Variants in TEK observed in about 807,000 individuals in gnomAD.
The protein encoded by TEK is TEK receptor tyrosine kinase, also known as angiopoietin-1 receptor.
A neutral mutation model predicts 131.8 loss-of-function variants in TEK; 43 were observed. The ratio of observed to expected loss-of-function variants is 0.33; its 90% CI spans 0.26 to 0.42. The LOEUF (loss-of-function observed/expected upper bound fraction) is 0.42, where lower values mean the gene tolerates loss of function less well. Ranked by LOEUF, TEK falls within the 10% of genes least tolerant of loss-of-function variation. The pLI, the probability that TEK is intolerant of heterozygous loss-of-function variation, is 1.00. For missense variants in TEK, 1,162 were observed against 1,384.4 expected, an observed-to-expected ratio of 0.84 and a Z score of 2.55; for synonymous variants, 580 against 491.6, an observed-to-expected ratio of 1.18 and a Z score of -2.38.
At chr9:27,160,143 C>T (rs531320984) in intron 2 of TEK, among the ~76,000 whole-genome samples, 1 of 151,614 alleles carries the variant, frequency 6.6e-6, no homozygotes, top group Admixed American at 6.6e-5. Flanking sequence ...CCACCTCAGC[C>T]TCCCAAGTAG....
At position 27,229,917 on chromosome 9, in the gene TEK, A is replaced by G. The variant is rs1028217767; in HGVS notation, c.*685A>G. 3 of 152,454 alleles carry G rather than the reference A, an allele frequency of 2.0e-5. No homozygotes were observed. Among genetic ancestry groups the G allele is most frequent in the Non-Finnish European group, 4.4e-5 (3 of 68,198 alleles). 9.4% of individuals were successfully genotyped at this position (152,454 alleles called of 1,614,324 possible). On this transcript the variant is annotated 3_prime_UTR_variant, in exon 23 of 23. Transcript: ENST00000380036. ...CCTAAGAATCTTTAGAGAAGTATAC[A>G]TAAGTTTAGGATAAAATAATGGGAT...
At chr9:27,227,290 C>A (rs925964150) in intron 21 of TEK, among the ~76,000 whole-genome samples, 4 of 152,188 alleles carry the variant, frequency 2.6e-5, no homozygotes, top group African/African-American at 9.7e-5. Flanking sequence ...CTGAGCACAA[C>A]TGAGTAAGCA....
At chr9:27,214,559 CTTATT>C (rs745361115) in intron 18 of TEK, among the ~76,000 whole-genome samples, 23 of 152,302 alleles carry the variant, frequency 1.5e-4, no homozygotes, top group African/African-American at 4.8e-4. Context: ...TCCCATCATA[CTTATT>C]TTAGTTACTG....
intron 1 of TEK, among the ~76,000 whole-genome samples, chr9:27,127,905 T>C (rs1282777254): frequency 6.6e-6 from 1 of 152,194 alleles, no homozygotes; most frequent in Non-Finnish European, 1.5e-5. Flanking sequence ...GATTGCAAAA[T>C]TTTACTCCCA....
intron 6 of TEK, among the ~76,000 whole-genome samples, chr9:27,176,703 G>A (rs1824184713): frequency 6.6e-6 from 1 of 152,172 alleles, no homozygotes; most frequent in Non-Finnish European, 1.5e-5. Flanking sequence ...TGTGGTGAGA[G>A]CATTTAAAAT....
chr9:27,212,889 CA>C lies in TEK; in HGVS notation c.2874del (p.Lys958AsnfsTer14). 1.2e-6 allele frequency: 2 copies of C among 1,613,892 alleles called. No homozygotes were observed. ...DVARGMDYLS[Q>X]KQFIHRDLAA... is the part of the protein sequence containing the mutation. The stretch of plus-strand genomic sequence containing the variant: ...GGCCCGGGGCATGGACTACTTGAGC[CA>C]AAAACAGGTTTGTCCGGAGGACTTC... On this transcript the variant is annotated frameshift_variant, in exon 17 of 23. Coordinates refer to ENST00000380036, the MANE Select transcript of TEK (RefSeq NM_000459.5). LOFTEE classifies it high-confidence loss of function.
intron 19 of TEK, 27 bp downstream of exon 19, chr9:27,217,785 AT>A (rs111512563): frequency 2.6e-6 from 4 of 1,546,768 alleles, no homozygotes; most frequent in Non-Finnish European, 2.6e-6. Context: ...TTGCCAAGGG[AT>A]TTTTTTTCCC....
intron 13 of TEK, among the ~76,000 whole-genome samples, chr9:27,203,863 A>G (rs1825308330): frequency 6.6e-6 from 1 of 152,264 alleles, no homozygotes; most frequent in East Asian, 1.9e-4. Flanking sequence ...AGAAAATACT[A>G]TAACTAAATC....
In TEK at chr9:27,201,415, C is replaced by G. The variant is rs971254085; in HGVS notation, c.1910-1405C>G. 7.2e-5 allele frequency among the ~76,000 whole-genome samples: 11 copies of G among 152,212 alleles called. 1 individual carries two copies. The highest frequency in any genetic ancestry group is 1.4e-4 in the African/African-American group (6 of 41,536). ...ACTATACAAATATTAACTATGTGAT[C>G]ATAGTAATCTGAAAATGTTGGTATT... On this transcript the variant is annotated intron_variant, in intron 12 of 22. Coordinates refer to ENST00000380036, the MANE Select transcript of TEK (RefSeq NM_000459.5).
chr9:27,206,354 C>G (rs1825399834), intron 14 of TEK, among the ~76,000 whole-genome samples: 1 of 152,210 alleles, frequency 6.6e-6, no homozygotes, highest in Non-Finnish European at 1.5e-5. Flanking sequence ...ACAGACATTG[C>G]TAATCAACAG....
chr9:27,211,432 CTT>C (rs138801213), intron 16 of TEK, among the ~76,000 whole-genome samples: 824 of 70,454 alleles, frequency 0.012, 7 homozygotes, highest in African/African-American at 0.04. Context: ...ATCTTTCAAG[CTT>C]TTTTTTTTTT....
chr9:27,208,717 C>A (rs939757970), intron 15 of TEK, among the ~76,000 whole-genome samples: 1 of 152,168 alleles, frequency 6.6e-6, no homozygotes, highest in African/African-American at 2.4e-5. Flanking sequence ...GAGCTAAAAT[C>A]TAAAAGATGA....
intron 1 of TEK, among the ~76,000 whole-genome samples, chr9:27,110,277 G>A (rs1430983883): frequency 6.6e-6 from 1 of 151,026 alleles, no homozygotes; most frequent in African/African-American, 2.4e-5. Context: ...AGGGTTTACT[G>A]GCCCAATGAA....
At chr9:27,221,902 C>T (rs917560132) in intron 21 of TEK, among the ~76,000 whole-genome samples, 1 of 152,166 alleles carries the variant, frequency 6.6e-6, no homozygotes, top group South Asian at 2.1e-4. Flanking sequence ...GACAAACTGA[C>T]AGAAGTAGGC....
At chr9:27,138,786 G>A (rs1302276071) in intron 1 of TEK, among the ~76,000 whole-genome samples, 3 of 152,142 alleles carry the variant, frequency 2.0e-5, no homozygotes, top group African/African-American at 7.2e-5. Context: ...GTATATGCGT[G>A]TTACTAGAGT....
At chr9:27,210,580 C>A in intron 16 of TEK, 1 of 158,072 alleles carries the variant, frequency 6.3e-6, no homozygotes, top group Non-Finnish European at 1.4e-5. Context: ...AGGCACTTTG[C>A]ACTAGGAGGA....
chr9:27,127,768 A>G (rs930914678), intron 1 of TEK, among the ~76,000 whole-genome samples: 1 of 152,226 alleles, frequency 6.6e-6, no homozygotes, highest in East Asian at 1.9e-4. Flanking sequence ...GGCTGCATAA[A>G]TGTCTTCTTT....
intron 1 of TEK, among the ~76,000 whole-genome samples, chr9:27,139,032 A>G (rs1424005477): frequency 6.6e-6 from 1 of 151,716 alleles, no homozygotes; most frequent in East Asian, 2.0e-4. Flanking sequence ...ACCTGGTGAA[A>G]TCCATGTCTA....
intron 21 of TEK, among the ~76,000 whole-genome samples, chr9:27,224,604 T>A (rs1486974136): frequency 6.6e-6 from 1 of 152,112 alleles, no homozygotes; most frequent in Non-Finnish European, 1.5e-5. Context: ...ATGGAACGTA[T>A]CTCAAAATAT....
Sources: allele counts gnomAD v4.1 joint callset (sites outside exome capture counted in the v4.1 genomes callset), GRCh38; gene constraint gnomAD v4.1.1; transcripts MANE v1.5; gene names NCBI Gene and HGNC (gene_info 2026-07-23, HGNC 2026-07-21).